USP25: variants seen among roughly 807,000 people sequenced by gnomAD.
USP25 encodes the protein ubiquitin specific peptidase 25.
USP25 carries 85 observed loss-of-function variants against 158.5 expected under a neutral mutation model. The observed-to-expected ratio is 0.54, with a 90% confidence interval of 0.45 to 0.64. USP25 has a LOEUF of 0.64. Among genes scored for constraint, USP25 ranks in the 30% least tolerant of loss-of-function variants. The probability of loss-of-function intolerance (pLI) is 0.00; values close to 1 mark genes in which losing one functional copy is unlikely to be tolerated. For synonymous variants in USP25, 464 were observed against 460.4 expected, an observed-to-expected ratio of 1.01 and a Z score of -0.10; for missense variants, 1,242 against 1,327.3, an observed-to-expected ratio of 0.94 and a Z score of 1.00.
intron 1 of USP25, among the ~76,000 whole-genome samples, chr21:15,755,953 G>A (rs2033345482): frequency 6.6e-6 from 1 of 152,142 alleles, no homozygotes; most frequent in South Asian, 2.1e-4. Context: ...CAATGACCTG[G>A]AACAAAATTC....
chr21:15,866,387 C>T (rs1481963329), intron 22 of USP25, 43 bp downstream of exon 22: 2 of 1,391,840 alleles, frequency 1.4e-6, no homozygotes, highest in African/African-American at 2.9e-5. Context: ...TTTAGGGATT[C>T]TGTAATTCAC....
chr21:15,734,522 G>C (rs1235728359), intron 1 of USP25, among the ~76,000 whole-genome samples: 1 of 151,944 alleles, frequency 6.6e-6, no homozygotes, highest in Non-Finnish European at 1.5e-5. Context: ...TTGACTTGTA[G>C]ACTCACATTG....
intron 11 of USP25, among the ~76,000 whole-genome samples, chr21:15,824,573 T>G (rs933139427): frequency 2.9e-4 from 44 of 152,212 alleles, no homozygotes; most frequent in African/African-American, 1.1e-3. Context: ...TGTCTTTCTT[T>G]CTTTTGTTTT....
intron 9 of USP25, among the ~76,000 whole-genome samples, chr21:15,815,186 A>G (rs2036873823): frequency 6.6e-6 from 1 of 152,192 alleles, no homozygotes; most frequent in Non-Finnish European, 1.5e-5. Flanking sequence ...ACAGAAGTCA[A>G]GAAGTGAGGT....
At chr21:15,815,541 C>G (rs1446183089) in intron 9 of USP25, among the ~76,000 whole-genome samples, 1 of 152,184 alleles carries the variant, frequency 6.6e-6, no homozygotes, top group Non-Finnish European at 1.5e-5. Context: ...ACCATGGGAA[C>G]CTACCTCTTG....
At chr21:15,800,121 A>G (rs368117312) in intron 6 of USP25, among the ~76,000 whole-genome samples, 9 of 151,286 alleles carry the variant, frequency 5.9e-5, no homozygotes, top group East Asian at 1.9e-4. Context: ...TTTATAGGCT[A>G]TAGTTTACAA....
chr21:15,859,991 A>ATATATATATATATTT (rs1315516466), intron 20 of USP25, among the ~76,000 whole-genome samples: 1 of 131,140 alleles, frequency 7.6e-6, no homozygotes, highest in African/African-American at 2.9e-5. Context: ...ATATATCTAT[A>ATATATATATATATTT]TTTTTTTTTT....
At chr21:15,869,229 C>G (rs2039782818) in intron 22 of USP25, among the ~76,000 whole-genome samples, 1 of 146,960 alleles carries the variant, frequency 6.8e-6, no homozygotes, top group African/African-American at 2.6e-5. Context: ...GACTGGGCAA[C>G]TGAGTGAGAC....
chr21:15,797,037 A>G (rs1047166067), intron 5 of USP25, among the ~76,000 whole-genome samples: 1 of 151,494 alleles, frequency 6.6e-6, no homozygotes, highest in Non-Finnish European at 1.5e-5. Context: ...TAGCAGCATT[A>G]TTAGACACAA....
chr21:15,799,800 A>G lies in USP25; in HGVS notation c.599A>G (p.Tyr200Cys). ...GAATTTAGAAGATTAGTTCTGAATT[A>G]CAAGCCTCCATCAAATGCTCAAGAT... ...LLEFRRLVLN[Y>C]KPPSNAQDLP... The change falls in exon 6 of 26, where the codon TAC becomes TGC. Residue 200 changes from tyrosine to cysteine, a missense_variant. By Grantham distance (194) the Tyr-to-Cys change is radical (BLOSUM62 -2). Coordinates refer to ENST00000400183, the MANE Select transcript of USP25 (RefSeq NM_001283041.3). The G allele has an allele frequency of 6.2e-7, 1 of 1,601,884 alleles. No individual in the cohort carries two copies. Among genetic ancestry groups the G allele is most frequent in the African/African-American group, 1.3e-5 (1 of 74,314 alleles).
chr21:15,756,402 G>A (rs987226666), intron 1 of USP25, among the ~76,000 whole-genome samples: 4 of 152,062 alleles, frequency 2.6e-5, no homozygotes, highest in Non-Finnish European at 5.9e-5. Flanking sequence ...ATACTTTGGG[G>A]CATTGTTTTC....
chr21:15,748,388 C>G (rs2123288176), intron 1 of USP25, among the ~76,000 whole-genome samples: 1 of 151,872 alleles, frequency 6.6e-6, no homozygotes, highest in East Asian at 1.9e-4. Context: ...CCCACACTAT[C>G]CTCCCTCCTC....
At chr21:15,775,020 T>G (rs991654745) in intron 3 of USP25, among the ~76,000 whole-genome samples, 4 of 152,180 alleles carry the variant, frequency 2.6e-5, no homozygotes, top group African/African-American at 9.6e-5. Flanking sequence ...ATGGACCATA[T>G]TTGAAGAACT....
chr21:15,834,524 G>T lies in USP25; in HGVS notation c.2194+976G>T, dbSNP rs559946362. Among the ~76,000 whole-genome samples, 81 of 151,976 alleles carry T rather than the reference G, an allele frequency of 5.3e-4. 1 individual carries two copies. The highest frequency in any genetic ancestry group is 9.6e-4 in the Non-Finnish European group (65 of 67,980). ...TTTAATTTCATCTTTCGCAGACAGA[G>T]GTTTCCTTGCAGCATTACCTGGTTG... On this transcript the variant is annotated intron_variant, in intron 17 of 25. Transcript: ENST00000400183.
chr21:15,799,166 A>G (rs553563658), intron 5 of USP25, among the ~76,000 whole-genome samples: 2 of 151,352 alleles, frequency 1.3e-5, no homozygotes, highest in East Asian at 3.9e-4. Flanking sequence ...ACTACAGTTT[A>G]AAAAACATAC....
chr21:15,752,953 C>T (rs1403048370), intron 1 of USP25, among the ~76,000 whole-genome samples: 1 of 152,192 alleles, frequency 6.6e-6, no homozygotes, highest in Non-Finnish European at 1.5e-5. Context: ...ACTTGAAAAC[C>T]AGGATTAGTT....
chr21:15,850,765 A>G (rs2038849105), intron 20 of USP25, among the ~76,000 whole-genome samples: 1 of 152,056 alleles, frequency 6.6e-6, no homozygotes, highest in South Asian at 2.1e-4. Context: ...AGTACAAAAC[A>G]AAAGCCTTGT....
chr21:15,769,378 A>G (rs11908733), intron 3 of USP25, among the ~76,000 whole-genome samples: 3,202 of 152,176 alleles, frequency 0.021, 102 homozygotes, highest in African/African-American at 0.072. Context: ...ATTACATTCC[A>G]TACTGTAATT....
At chr21:15,824,445 A>T (rs1469866109) in intron 11 of USP25, among the ~76,000 whole-genome samples, 1 of 152,164 alleles carries the variant, frequency 6.6e-6, no homozygotes, top group Non-Finnish European at 1.5e-5. Flanking sequence ...TACATCTTAT[A>T]CAATTTTGAA....
Sources: gnomAD v4.1 joint callset for allele counts (sites outside exome capture counted in the v4.1 genomes callset) on GRCh38, gnomAD v4.1.1 for gene constraint, MANE v1.5 for transcripts, NCBI Gene and HGNC (gene_info 2026-07-23, HGNC 2026-07-21) for gene names.